Variants in KCNK2 observed in about 807,000 individuals in gnomAD.
KCNK2 encodes the protein potassium channel subfamily K member 2.
Under a neutral mutation model 40.5 loss-of-function variants are expected in KCNK2, and 21 were observed. That is an observed-to-expected ratio of 0.52 (90% CI 0.37 to 0.75). The LOEUF (loss-of-function observed/expected upper bound fraction) is 0.75. Ranked by LOEUF, KCNK2 falls within the 30% of genes least tolerant of loss-of-function variation. KCNK2 has a pLI of 0.00. For missense variants in KCNK2, 399 were observed against 531.6 expected (o/e 0.75, Z 2.45); for synonymous variants, 191 against 202.2 (o/e 0.94, Z 0.47).
upstream of KCNK2, among the ~76,000 whole-genome samples, chr1:215,079,836 C>G (rs1031871568): frequency 6.6e-6 from 1 of 152,134 alleles, no homozygotes; most frequent in Non-Finnish European, 1.5e-5. Flanking sequence ...GGGCTTTTAA[C>G]GGGGGCAGAC....
At position 215,086,481 on chromosome 1, in the gene KCNK2, A is replaced by G; in HGVS notation, c.160A>G (p.Ile54Val). The G allele has an allele frequency of 6.2e-7, 1 of 1,614,128 alleles. No individual in the cohort carries two copies. Among genetic ancestry groups the G allele is most frequent in the South Asian group, 1.1e-5 (1 of 91,080 alleles). Residue 54 changes from isoleucine (I) to valine (V), a missense_variant, in exon 2 of 7, where the codon ATT becomes GTT. Physicochemically the swap from Ile to Val is conservative, Grantham distance 29. This residue lies in a region of KCNK2 where 279 missense variants were observed against 353.8 expected (regional missense o/e 0.79). Coordinates refer to ENST00000444842, the MANE Select transcript of KCNK2 (RefSeq NM_001017425.3). ...TTCCCGGGTGGAGAGTGACACGACC[A>G]TTAATGTTATGAAATGGAAGACGGT... ...LASRVESDTT[I>V]NVMKWKTVST...
rs5780825 is a variant in KCNK2 at position 215,227,956 on chromosome 1, TA to T, written c.964-6861del. 5.3e-5 allele frequency among the ~76,000 whole-genome samples: 8 copies of T among 149,770 alleles called. No individual in the cohort carries two copies. The East Asian group carries it at 1.4e-3, about 26-fold the overall frequency. ...GTGGTACCATGATGTGATATTAAGTTAAAAAAAAAAAGTTAAAGAAGTTAAA... is the reference window on the plus strand; with the variant it reads ...GTGGTACCATGATGTGATATTAAGTTAAAAAAAAAAGTTAAAGAAGTTAAA... On this transcript the variant is annotated intron_variant, in intron 6 of 6. Coordinates refer to ENST00000444842, the MANE Select transcript of KCNK2 (RefSeq NM_001017425.3).
chr1:215,136,530 G>A (rs553109849), intron 3 of KCNK2, among the ~76,000 whole-genome samples: 1 of 152,264 alleles, frequency 6.6e-6, no homozygotes, highest in South Asian at 2.1e-4. Context: ...GATATGCTAA[G>A]ATATATTCTG....
chr1:215,032,899 C>G (rs1657254971), intron 1 of KCNK2, among the ~76,000 whole-genome samples: 3 of 151,914 alleles, frequency 2.0e-5, no homozygotes, highest in Admixed American at 2.0e-4. Context: ...CTCTGCGATT[C>G]CATTAATTTG....
At chr1:215,141,866 A>G (rs1237340032) in intron 3 of KCNK2, among the ~76,000 whole-genome samples, 5 of 152,076 alleles carry the variant, frequency 3.3e-5, no homozygotes, top group African/African-American at 9.7e-5. Context: ...TTTTAGAGAA[A>G]GTTTTCTATT....
At chr1:215,118,929 G>C (rs1661062035) in intron 2 of KCNK2, among the ~76,000 whole-genome samples, 1 of 152,096 alleles carries the variant, frequency 6.6e-6, no homozygotes, top group Non-Finnish European at 1.5e-5. Flanking sequence ...AAATCCTGAT[G>C]ATAACAGAGG....
At chr1:215,122,662 G>A (rs145463562) in intron 2 of KCNK2, among the ~76,000 whole-genome samples, 3 of 152,008 alleles carry the variant, frequency 2.0e-5, no homozygotes, top group Admixed American at 2.0e-4. Context: ...TAAATTGTTG[G>A]GGGGCAGTTG....
At chr1:215,219,121 A>T (rs1164585273) in intron 6 of KCNK2, among the ~76,000 whole-genome samples, 1 of 152,232 alleles carries the variant, frequency 6.6e-6, no homozygotes, top group African/African-American at 2.4e-5. Context: ...ACTCACAGAG[A>T]CACATAGATC....
At chr1:215,131,325 T>G (rs1373319814) in intron 3 of KCNK2, among the ~76,000 whole-genome samples, 1 of 146,750 alleles carries the variant, frequency 6.8e-6, no homozygotes. Context: ...AAATTATAAT[T>G]TTTATAATTA....
chr1:215,005,964 CTT>C lies in KCNK2; in HGVS notation c.34+11_34+12del, dbSNP rs745420766. On this transcript the variant is annotated intron_variant, in intron 1 of 6. Transcript: ENST00000391895. ...AAAAAGGGATTTCTACTGTGAGTATCTTTGCAATAATCAAGTACCTTATTTGT... is the reference window on the plus strand; with the variant it reads ...AAAAAGGGATTTCTACTGTGAGTATCTGCAATAATCAAGTACCTTATTTGT... 1.9e-6 allele frequency: 3 copies of C among 1,609,738 alleles called. No homozygotes were observed. In the South Asian group the frequency reaches 3.3e-5, roughly 18 times the overall value.
At position 215,235,517 on chromosome 1, in the gene KCNK2, AACT is replaced by A. The variant is rs1666846455; in HGVS notation, c.*373_*375del. 2 of 175,482 alleles carry A rather than the reference AACT, an allele frequency of 1.1e-5. No individual in the cohort carries two copies. Among genetic ancestry groups the A allele is most frequent in the Non-Finnish European group, 2.4e-5 (2 of 82,864 alleles). 10.9% of individuals were successfully genotyped at this position (175,482 alleles called of 1,614,324 possible). A position where few individuals can be genotyped will look rare whatever the true frequency, so the allele number is the denominator to read the frequency against. ...GTTCTTAACTTTTCAGGGTCTACCT[AACT>A]GAGCCTAGATATGGACCATTTATGG... On this transcript the variant is annotated 3_prime_UTR_variant, in exon 7 of 7. Coordinates refer to ENST00000444842, the MANE Select transcript of KCNK2 (RefSeq NM_001017425.3).
At chr1:215,005,827 G>A (rs1402341521), upstream of KCNK2, 16 of 1,106,458 alleles carry the variant, frequency 1.4e-5, no homozygotes, top group South Asian at 1.5e-4. Context: ...GTTAGTACAA[G>A]TGACTCTGTT....
chr1:215,008,840 T>G (rs2102468723), intron 1 of KCNK2, among the ~76,000 whole-genome samples: 1 of 152,124 alleles, frequency 6.6e-6, no homozygotes, highest in Admixed American at 6.6e-5. Context: ...AGTAAAAAAA[T>G]GAGTAAGGGA....
chr1:215,092,940 C>T (rs1043979100), intron 2 of KCNK2, among the ~76,000 whole-genome samples: 4 of 152,126 alleles, frequency 2.6e-5, no homozygotes, highest in African/African-American at 9.7e-5. Context: ...AGACTGATTT[C>T]AGGTCAGCAC....
intron 1 of KCNK2, among the ~76,000 whole-genome samples, chr1:215,031,052 A>G (rs1444713098): frequency 6.6e-6 from 1 of 152,084 alleles, no homozygotes; most frequent in South Asian, 2.1e-4. Context: ...ACTGTTGACC[A>G]TATCTATATG....
In KCNK2 at chr1:215,177,740, A is replaced by ATATATATATATATTT. The variant is rs71167812; in HGVS notation, c.823+5558_823+5559insATATATATATATTTT. Among the ~76,000 whole-genome samples, 91 of 101,564 alleles carry ATATATATATATATTT rather than the reference A, an allele frequency of 9.0e-4. 1 individual carries two copies. Among genetic ancestry groups the ATATATATATATATTT allele is most frequent in the African/African-American group, 2.8e-3 (80 of 28,470 alleles). 66.6% of individuals were successfully genotyped at this position (101,564 alleles called of 152,430 possible). A position where few individuals can be genotyped will look rare whatever the true frequency, so the allele number is the denominator to read the frequency against. On this transcript the variant is annotated intron_variant, in intron 5 of 6. Coordinates refer to ENST00000444842, the MANE Select transcript of KCNK2 (RefSeq NM_001017425.3). Reference sequence around the variant, plus strand: ...TATATGTGTATATATATATATATATATTTTTTTTTTTTGTAGCAGTACCAT... The same window carrying ATATATATATATATTT: ...TATATGTGTATATATATATATATATATATATATATATATTTTTTTTTTTTTTTGTAGCAGTACCAT...
intron 1 of KCNK2, among the ~76,000 whole-genome samples, chr1:215,030,958 C>T (rs184384319): frequency 5.3e-5 from 8 of 152,208 alleles, no homozygotes; most frequent in Admixed American, 2.6e-4. Context: ...CATTTTTTTA[C>T]ATGTGGATAC....
intron 1 of KCNK2, among the ~76,000 whole-genome samples, chr1:215,058,255 T>C (rs943754968): frequency 2.0e-5 from 3 of 152,146 alleles, no homozygotes; most frequent in Non-Finnish European, 2.9e-5. Context: ...TGTTTGTGAC[T>C]TTTTCCCTCT....
chr1:215,231,025 C>T (rs1032713973), intron 6 of KCNK2, among the ~76,000 whole-genome samples: 4 of 152,158 alleles, frequency 2.6e-5, no homozygotes, highest in African/African-American at 7.2e-5. Flanking sequence ...TAGAAGCACT[C>T]GGCTCTACAT....
Sources: gnomAD v4.1 joint callset for allele counts (sites outside exome capture counted in the v4.1 genomes callset) on GRCh38, gnomAD v4.1.1 for gene constraint, gnomAD v4.1.1 regional missense constraint, MANE v1.5 for transcripts, NCBI Gene and HGNC (gene_info 2026-07-23, HGNC 2026-07-21) for gene names.